FAM177A1: variants seen among roughly 807,000 people sequenced by gnomAD.
The protein encoded by FAM177A1 is family with sequence similarity 177 member A1.
A neutral mutation model predicts 26.1 loss-of-function variants in FAM177A1; 22 were observed. The ratio of observed to expected loss-of-function variants is 0.84; its 90% CI spans 0.60 to 1.20. FAM177A1 has a LOEUF of 1.20. FAM177A1 is among the 50% of genes most tolerant of loss of function. The pLI is 0.00. For missense variants in FAM177A1, 296 were observed against 291.1 expected (o/e 1.02, Z -0.12); for synonymous variants, 95 against 99.3 (o/e 0.96, Z 0.26).
chr14:35,063,238 C>T (rs949350606), intron 2 of FAM177A1, among the ~76,000 whole-genome samples: 1 of 150,186 alleles, frequency 6.7e-6, no homozygotes, highest in African/African-American at 2.4e-5. Flanking sequence ...TGATTTATGA[C>T]TCCAATTTTT....
At chr14:35,045,753 C>G (rs1283870669), upstream of FAM177A1, among the ~76,000 whole-genome samples, 1 of 152,194 alleles carries the variant, frequency 6.6e-6, no homozygotes, top group African/African-American at 2.4e-5. Context: ...ACGCACACGA[C>G]TTTAAGACAC....
chr14:35,065,494 A>G (rs941959495), intron 2 of FAM177A1, among the ~76,000 whole-genome samples: 4 of 151,828 alleles, frequency 2.6e-5, no homozygotes, highest in African/African-American at 9.7e-5. Context: ...CACATCTTAA[A>G]TGCCATTTAG....
chr14:35,069,243 C>G (rs1161808598), intron 2 of FAM177A1, among the ~76,000 whole-genome samples: 1 of 151,296 alleles, frequency 6.6e-6, no homozygotes, highest in Non-Finnish European at 1.5e-5. Context: ...GGGTTTCCTG[C>G]CATAGACCAA....
chr14:35,050,718 T>C (rs936612661), intron 1 of FAM177A1: 1 of 152,202 alleles, frequency 6.6e-6, no homozygotes, highest in Non-Finnish European at 1.5e-5. Context: ...GCATTGACAT[T>C]AGATCCATCC....
In FAM177A1 at chr14:35,055,498, A is replaced by G. The variant is rs573962466; in HGVS notation, c.339+2047A>G. On this transcript the variant is annotated intron_variant, in intron 2 of 4. Transcript: ENST00000280987. ...ACTCAGGCTGGAGTTCAGTGGCACA[A>G]TCTTGGCTCACTGAAGCCTCTGCCT... Among the ~76,000 whole-genome samples the G allele has an allele frequency of 1.6e-3, 238 of 151,472 alleles. 2 individuals carry two copies. The highest frequency in any genetic ancestry group is 5.6e-3 in the African/African-American group (230 of 41,264).
chr14:35,072,875 A>T (rs1005002238), intron 2 of FAM177A1, among the ~76,000 whole-genome samples: 1 of 152,022 alleles, frequency 6.6e-6, no homozygotes, highest in East Asian at 1.9e-4. Context: ...CATATCTACC[A>T]TATCTTTCAT....
At chr14:35,066,630 C>T (rs1250163266) in intron 2 of FAM177A1, among the ~76,000 whole-genome samples, 3 of 151,802 alleles carry the variant, frequency 2.0e-5, no homozygotes, top group African/African-American at 4.8e-5. Flanking sequence ...GTCTCAAACT[C>T]CTGACCTCAA....
intron 4 of FAM177A1, among the ~76,000 whole-genome samples, chr14:35,080,783 CTT>C (rs2138576132): frequency 6.6e-6 from 1 of 151,906 alleles, no homozygotes; most frequent in East Asian, 1.9e-4. Flanking sequence ...GAGCAATACT[CTT>C]TCTCAAAAAA....
chr14:35,053,484 G>A, intron 2 of FAM177A1, 33 bp downstream of exon 2: 1 of 1,603,964 alleles, frequency 6.2e-7, no homozygotes, highest in Non-Finnish European at 8.5e-7. Context: ...TTTCCTCAGT[G>A]GGCTTTGTTT....
At chr14:35,072,799 T>A (rs1035753937) in intron 2 of FAM177A1, among the ~76,000 whole-genome samples, 1 of 152,200 alleles carries the variant, frequency 6.6e-6, no homozygotes, top group African/African-American at 2.4e-5. Context: ...GTTGTGTCTG[T>A]TAGCTCTTGA....
chr14:35,054,382 T>G (rs1474312421), intron 2 of FAM177A1, among the ~76,000 whole-genome samples: 1 of 152,168 alleles, frequency 6.6e-6, no homozygotes, highest in Non-Finnish European at 1.5e-5. Context: ...AAAGAAATTT[T>G]TATTTATTTA....
chr14:35,046,186 T>TG, upstream of FAM177A1: 1 of 296,720 alleles, frequency 3.4e-6, no homozygotes, highest in Non-Finnish European at 6.2e-6. Flanking sequence ...CCACGAGCTC[T>TG]GGATGCTTGC....
intron 1 of FAM177A1, among the ~76,000 whole-genome samples, chr14:35,049,707 C>G (rs1201808213): frequency 2.6e-5 from 4 of 152,090 alleles, no homozygotes; most frequent in Non-Finnish European, 5.9e-5. Flanking sequence ...ATCGCTGAAA[C>G]CCAGGAGGTA....
intron 2 of FAM177A1, among the ~76,000 whole-genome samples, chr14:35,071,721 G>A (rs576328728): frequency 1.5e-4 from 23 of 152,080 alleles, no homozygotes; most frequent in South Asian, 6.2e-4. Flanking sequence ...AATTATTCTC[G>A]CCAGAAACAA....
intron 2 of FAM177A1, among the ~76,000 whole-genome samples, chr14:35,060,240 G>T (rs1293400761): frequency 1.3e-5 from 2 of 152,076 alleles, no homozygotes; most frequent in Non-Finnish European, 2.9e-5. Flanking sequence ...CTCCTAAAGT[G>T]CTGGGATTAC....
In FAM177A1 at chr14:35,048,202, A is replaced by C. The variant is rs991043377; in HGVS notation, c.165+1574A>C. Among the ~76,000 whole-genome samples the C allele has an allele frequency of 4.6e-5, 7 of 152,288 alleles. 1 individual carries two copies. Among genetic ancestry groups the C allele is most frequent in the Middle Eastern group, 6.8e-3 (2 of 294 alleles). ...GCACTTACACTTAACCTTTGAGTCC[A>C]TGGTGCTTGATATGTTTTTCAATTT... is the stretch of plus-strand genomic sequence containing the variant. On this transcript the variant is annotated intron_variant, in intron 1 of 4. Coordinates refer to ENST00000280987, the MANE Select transcript of FAM177A1 (RefSeq NM_173607.5).
At chr14:35,058,627 C>G (rs1478429793) in intron 2 of FAM177A1, among the ~76,000 whole-genome samples, 1 of 152,106 alleles carries the variant, frequency 6.6e-6, no homozygotes, top group Non-Finnish European at 1.5e-5. Context: ...GTAATCCCAG[C>G]ACTTTGGGAG....
chr14:35,048,412 C>A (rs79206825), intron 1 of FAM177A1, among the ~76,000 whole-genome samples: 39,206 of 151,818 alleles, frequency 0.26, 5,264 homozygotes, highest in East Asian at 0.37. Context: ...AAGTACTTAA[C>A]CAGTAAAGAA....
intron 2 of FAM177A1, among the ~76,000 whole-genome samples, chr14:35,060,276 G>A (rs2045131689): frequency 6.6e-6 from 1 of 152,092 alleles, no homozygotes; most frequent in Admixed American, 6.6e-5. Context: ...CGCCTGGCCA[G>A]TTTTTGTTTT....
Sources: allele counts gnomAD v4.1 joint callset (sites outside exome capture counted in the v4.1 genomes callset), GRCh38; gene constraint gnomAD v4.1.1; transcripts MANE v1.5; gene names NCBI Gene and HGNC (gene_info 2026-07-23, HGNC 2026-07-21).